The following IGF2BP3 variants were observed in gnomAD, a reference collection of about 807,000 sequenced individuals.
IGF2BP3 encodes the protein insulin like growth factor 2 mRNA binding protein 3.
IGF2BP3 carries 9 observed loss-of-function variants against 73.8 expected under a neutral mutation model. The ratio of observed to expected loss-of-function variants is 0.12; its 90% CI spans 0.07 to 0.21. The LOEUF is 0.21. Among genes scored for constraint, IGF2BP3 ranks in the 10% least tolerant of loss-of-function variants. The pLI is 1.00. For missense variants in IGF2BP3, 542 were observed against 714.0 expected (o/e 0.76, Z 2.75); for synonymous variants, 258 against 256.7 (o/e 1.01, Z -0.05).
In IGF2BP3 at chr7:23,469,927, C is replaced by G; in HGVS notation, c.175+9G>C. On this transcript the variant is annotated intron_variant, in intron 1 of 14. Coordinates refer to ENST00000258729, the MANE Select transcript of IGF2BP3 (RefSeq NM_006547.3). The surrounding 1 kb of genome is among the most constrained non-coding windows in gnomAD (Gnocchi z 6.1). ...GCGAGAGCCCGGGTGGGGCCAGGCC[C>G]GGGCCCACCTGAAAGCGCCTCGATG... The G allele has an allele frequency of 6.2e-7, 1 of 1,604,648 alleles. No individual in the cohort carries two copies. The highest frequency in any genetic ancestry group is 8.5e-7 in the Non-Finnish European group (1 of 1,176,588).
intron 3 of IGF2BP3, among the ~76,000 whole-genome samples, chr7:23,411,378 T>C (rs1279612230): frequency 6.6e-6 from 1 of 152,114 alleles, no homozygotes; most frequent in Non-Finnish European, 1.5e-5. Context: ...GGTCAGTAGT[T>C]TGAGACCAGC....
chr7:23,466,385 AC>A (rs1361008356), intron 2 of IGF2BP3, among the ~76,000 whole-genome samples: 1 of 152,228 alleles, frequency 6.6e-6, no homozygotes, highest in East Asian at 1.9e-4. Flanking sequence ...ATCAGTAAAA[AC>A]AACCTCCAAT....
chr7:23,408,913 A>T (rs1015938659), intron 3 of IGF2BP3, among the ~76,000 whole-genome samples: 1 of 152,214 alleles, frequency 6.6e-6, no homozygotes, highest in African/African-American at 2.4e-5. Flanking sequence ...GCGGTCCCCA[A>T]CTATTTTCGC....
chr7:23,420,636 T>C (rs1016723166), intron 2 of IGF2BP3, among the ~76,000 whole-genome samples: 7 of 152,340 alleles, frequency 4.6e-5, no homozygotes, highest in African/African-American at 1.7e-4. Flanking sequence ...CCTTTGCCTC[T>C]TCCCTTTCCC....
intron 3 of IGF2BP3, among the ~76,000 whole-genome samples, chr7:23,372,504 G>A (rs776390555): frequency 6.6e-6 from 1 of 152,100 alleles, no homozygotes; most frequent in Non-Finnish European, 1.5e-5. Flanking sequence ...AGTACCCAAA[G>A]TCCATTGTAT....
At chr7:23,431,978 T>C (rs1356944717) in intron 2 of IGF2BP3, among the ~76,000 whole-genome samples, 3 of 152,212 alleles carry the variant, frequency 2.0e-5, no homozygotes, top group African/African-American at 7.2e-5. Context: ...CAGGCAATTA[T>C]TCAATATTAC....
chr7:23,337,496 A>G (rs1784603519), intron 10 of IGF2BP3, among the ~76,000 whole-genome samples: 1 of 152,182 alleles, frequency 6.6e-6, no homozygotes, highest in Non-Finnish European at 1.5e-5. Flanking sequence ...GCAGACAAAT[A>G]GCTGTCCCCA....
chr7:23,431,378 A>G (rs1383842818), intron 2 of IGF2BP3: 1 of 152,210 alleles, frequency 6.6e-6, no homozygotes, highest in Non-Finnish European at 1.5e-5. Flanking sequence ...ATCCCCCTAT[A>G]AAATTCCTAT....
At chr7:23,376,551 A>G (rs865945725) in intron 3 of IGF2BP3, among the ~76,000 whole-genome samples, 2 of 142,130 alleles carry the variant, frequency 1.4e-5, no homozygotes, top group South Asian at 2.2e-4. Flanking sequence ...AAAAAAAAAA[A>G]AAAAAAAGAA....
intron 2 of IGF2BP3, among the ~76,000 whole-genome samples, chr7:23,460,339 C>G (rs569995970): frequency 3.9e-5 from 6 of 151,962 alleles, no homozygotes; most frequent in African/African-American, 1.4e-4. Context: ...ACCAACCTGG[C>G]TAACATGGTG....
At position 23,322,214 on chromosome 7, in the gene IGF2BP3, A is replaced by T. The variant is rs142489185; in HGVS notation, c.1204-2960T>A. On this transcript the variant is annotated intron_variant, in intron 10 of 14. Coordinates refer to ENST00000258729, the MANE Select transcript of IGF2BP3 (RefSeq NM_006547.3). ...TGTATAACTAGAATAACCAATACAC[A>T]GAAGTGCTTAAAGGAGCTGATGGAG... is the stretch of plus-strand genomic sequence containing the variant. Among the ~76,000 whole-genome samples the T allele has an allele frequency of 1.7e-3, 257 of 152,372 alleles. 2 individuals carry two copies. Among genetic ancestry groups the T allele is most frequent in the Middle Eastern group, 3.4e-3 (1 of 294 alleles).
At chr7:23,406,224 C>T (rs190025503) in intron 3 of IGF2BP3, among the ~76,000 whole-genome samples, 2 of 152,254 alleles carry the variant, frequency 1.3e-5, no homozygotes, top group East Asian at 1.9e-4. Context: ...GTCTGTTTGC[C>T]TCTCGTTAGC....
At chr7:23,398,970 A>T (rs1786570252) in intron 3 of IGF2BP3, among the ~76,000 whole-genome samples, 1 of 152,226 alleles carries the variant, frequency 6.6e-6, no homozygotes. Context: ...TGTTTTAGAC[A>T]TGAAGTCCTT....
At chr7:23,368,367 G>GAAAGA (rs1554321076) in intron 3 of IGF2BP3, among the ~76,000 whole-genome samples, 1 of 150,908 alleles carries the variant, frequency 6.6e-6, no homozygotes, top group Non-Finnish European at 1.5e-5. Context: ...AAGAAAGAAA[G>GAAAGA]AAAGAAAGAA....
At chr7:23,454,899 A>G (rs1441916577) in intron 2 of IGF2BP3, among the ~76,000 whole-genome samples, 1 of 152,206 alleles carries the variant, frequency 6.6e-6, no homozygotes, top group Admixed American at 6.5e-5. Flanking sequence ...AGCTAACCTT[A>G]AAAAAATTAC....
chr7:23,453,453 T>C (rs968674505), intron 2 of IGF2BP3, among the ~76,000 whole-genome samples: 2 of 152,226 alleles, frequency 1.3e-5, no homozygotes, highest in Non-Finnish European at 2.9e-5. Flanking sequence ...TAGTATAACC[T>C]AAGAATTCTG....
intron 3 of IGF2BP3, among the ~76,000 whole-genome samples, chr7:23,388,790 G>T (rs746805416): frequency 3.3e-5 from 5 of 151,960 alleles, no homozygotes; most frequent in African/African-American, 1.2e-4. Flanking sequence ...ATCTCTGGGG[G>T]TTACAAGTGG....
At chr7:23,391,050 C>T (rs988947846) in intron 3 of IGF2BP3, among the ~76,000 whole-genome samples, 5 of 150,254 alleles carry the variant, frequency 3.3e-5, no homozygotes, top group Non-Finnish European at 5.9e-5. Context: ...CTGCCCGTCT[C>T]GGCCTCCCAA....
intron 10 of IGF2BP3, among the ~76,000 whole-genome samples, chr7:23,338,755 T>C (rs1784636091): frequency 6.6e-6 from 1 of 152,204 alleles, no homozygotes; most frequent in African/African-American, 2.4e-5. Flanking sequence ...ATAATTTAAG[T>C]ATGGGAAAAA....
Sources: gnomAD v4.1 joint callset for allele counts (sites outside exome capture counted in the v4.1 genomes callset) on GRCh38, gnomAD v4.1.1 for gene constraint, Gnocchi (gnomAD v3.1) non-coding constraint, MANE v1.5 for transcripts, NCBI Gene and HGNC (gene_info 2026-07-23, HGNC 2026-07-21) for gene names.